Variants in CORO2A observed in about 807,000 individuals in gnomAD.
The protein encoded by CORO2A is coronin-2A.
CORO2A carries 47 observed loss-of-function variants against 62.4 expected under a neutral mutation model. The observed-to-expected ratio is 0.75, with a 90% CI of 0.60 to 0.96. The LOEUF (loss-of-function observed/expected upper bound fraction) is 0.96, where lower values mean the gene tolerates loss of function less well. Ranked by LOEUF, CORO2A falls within the 40% of genes least tolerant of loss-of-function variation. The pLI is 0.00. For missense variants in CORO2A, 610 were observed against 684.1 expected, an observed-to-expected ratio of 0.89 and a Z score of 1.21; for synonymous variants, 273 against 268.9, an observed-to-expected ratio of 1.02 and a Z score of -0.15.
Position 98,121,133 on chromosome 9 carries a change from C to T in CORO2A, c.*3641G>A, listed in dbSNP as rs1351353672. 1 of 152,174 alleles carries T rather than the reference C, an allele frequency of 6.6e-6. No homozygotes were observed. Among genetic ancestry groups the T allele is most frequent in the Non-Finnish European group, 1.5e-5 (1 of 68,040 alleles). The allele number at this position is 152,174 out of a possible 1,614,324, so 9.4% of individuals were successfully genotyped here. A position where few individuals can be genotyped will look rare whatever the true frequency, so the allele number is the denominator to read the frequency against. On this transcript the variant is annotated 3_prime_UTR_variant, in exon 12 of 12. Transcript: ENST00000375077. The stretch of plus-strand genomic sequence containing the variant: ...AAACAATCATTCAAACTGTTTCAGG[C>T]ACGGTTTCAATTAAAAGCATAGATT...
intron 6 of CORO2A, 55 bp from the exon 7 acceptor site, chr9:98,131,114 G>C: frequency 8.4e-7 from 1 of 1,188,202 alleles, no homozygotes; most frequent in Non-Finnish European, 1.2e-6. Flanking sequence ...GGCCCTCAGT[G>C]GTGCTCCCGG....
rs2231668 is a variant in CORO2A, at chr9:98,128,121, C to T, written c.1171+49G>A. The T allele has an allele frequency of 1.6e-3, 2,428 of 1,487,756 alleles. 21 individuals carry two copies. In the African/African-American group the frequency reaches 0.027, roughly 16 times the overall value. 92.2% of individuals were successfully genotyped at this position (1,487,756 alleles called of 1,614,324 possible). ...CTCAATTGCTTGGGGCCACTGGGCA[C>T]GCCATGTTCCTGTCACATTTGCCTG... is the stretch of plus-strand genomic sequence containing the variant. On this transcript the variant is annotated intron_variant, in intron 10 of 11. Transcript: ENST00000375077.
In CORO2A at chr9:98,128,263, G is replaced by A. The variant is rs755199037; in HGVS notation, c.1081-3C>T. On this transcript the variant is annotated splice_polypyrimidine_tract_variant and splice_region_variant and intron_variant, in intron 9 of 11. Transcript: ENST00000375077. ...ATGTCCTCTTGGTAGGATTCTGACT[G>A]CAGGAGAAATCCAGACAGTGAGGAG... The A allele has an allele frequency of 1.9e-6, 3 of 1,610,120 alleles. No individual in the cohort carries two copies. In the East Asian group the frequency reaches 6.7e-5, roughly 36 times the overall value.
chr9:98,188,151 T>A (rs1828261966), intron 1 of CORO2A, among the ~76,000 whole-genome samples: 1 of 152,082 alleles, frequency 6.6e-6, no homozygotes, highest in Non-Finnish European at 1.5e-5. Context: ...CCCCAGCTGT[T>A]CCCTCCACCT....
In CORO2A at chr9:98,124,880, T is replaced by C; in HGVS notation, c.1472A>G (p.Gln491Arg). The change falls in exon 12 of 12, where the codon CAG becomes CGG. Residue 491 changes from glutamine (Q) to arginine (R), a missense_variant. Physicochemically the swap from Gln to Arg is conservative, Grantham distance 43. Coordinates refer to ENST00000375077, the MANE Select transcript of CORO2A (RefSeq NM_052820.4). The part of the protein sequence containing the change: ...NELLQMFYRQ[Q>R]EEIRRLRELL... ...CTCCCGGAGCCTTCGGATCTCCTCCTGTTGCCGGTAGAACATCTGCAGCAA... is the reference window on the plus strand; with the variant it reads ...CTCCCGGAGCCTTCGGATCTCCTCCCGTTGCCGGTAGAACATCTGCAGCAA... 3 of 1,575,736 alleles carry C rather than the reference T, an allele frequency of 1.9e-6. No individual in the cohort carries two copies. The highest frequency in any genetic ancestry group is 2.6e-6 in the Non-Finnish European group (3 of 1,158,278).
rs550316108 is a variant in CORO2A, at chr9:98,155,165, C to T, written c.201+2295G>A. ...ATGAGGTTGAGTAGTTTTTCAAATG[C>T]TTATTAGCCATTTGGATTTTCTTTG... On this transcript the variant is annotated intron_variant, in intron 2 of 11. Transcript: ENST00000375077. 2.0e-5 allele frequency among the ~76,000 whole-genome samples: 3 copies of T among 152,214 alleles called. No individual in the cohort carries two copies. The East Asian group carries it at 5.8e-4, about 29-fold the overall frequency.
intron 1 of CORO2A, among the ~76,000 whole-genome samples, chr9:98,168,027 G>T (rs746825564): frequency 6.6e-6 from 1 of 152,204 alleles, no homozygotes; most frequent in Non-Finnish European, 1.5e-5. Flanking sequence ...CCCAGGCCCC[G>T]GAGCTTGACT....
intron 1 of CORO2A, among the ~76,000 whole-genome samples, chr9:98,171,623 T>C (rs1828037513): frequency 6.6e-6 from 1 of 151,962 alleles, no homozygotes; most frequent in Admixed American, 6.6e-5. Context: ...CCCGGGAGGA[T>C]ACGACTGAGC....
In CORO2A at chr9:98,128,643, G is replaced by A; in HGVS notation, c.1044C>T (p.Ser348=). Residue 348 remains serine (S), a synonymous_variant, in exon 9 of 12, where the codon AGC becomes AGT. Transcript: ENST00000375077. The part of the protein sequence containing the change: ...FRFYKLITTK[S]LIEPISMIVP... ...CAATCATGGAGATGGGCTCGATGAG[G>A]CTTTTGGTTGTGATCAGCTTGTAGA... is the stretch of plus-strand genomic sequence containing the variant. 6.2e-7 allele frequency: 1 copy of A among 1,614,228 alleles called. No individual in the cohort carries two copies. Among genetic ancestry groups the A allele is most frequent in the South Asian group, 1.1e-5 (1 of 91,086 alleles).
rs1373587206 is a variant in CORO2A, at chr9:98,123,502, T to TC, written c.*1271_*1272insG. ...TTCCCCTATTCTCTCTCTCTTTTTT[T>TC]TTTTTTTTTTGGAGATGGAGTCTCG... On this transcript the variant is annotated 3_prime_UTR_variant, in exon 12 of 12. Transcript: ENST00000375077. The TC allele has an allele frequency of 6.6e-6, 1 of 151,752 alleles. No homozygotes were observed. Among genetic ancestry groups the TC allele is most frequent in the African/African-American group, 2.4e-5 (1 of 41,282 alleles). The allele number at this position is 151,752 out of a possible 1,614,324, so 9.4% of individuals were successfully genotyped here. A position where few individuals can be genotyped will look rare whatever the true frequency, so the allele number is the denominator to read the frequency against.
intron 1 of CORO2A, among the ~76,000 whole-genome samples, chr9:98,189,602 C>T (rs1828280152): frequency 6.6e-6 from 1 of 152,174 alleles, no homozygotes; most frequent in East Asian, 1.9e-4. Flanking sequence ...AATTCAGCAA[C>T]TGCTGAGTCT....
At chr9:98,177,457 G>GTTT (rs1174402008) in intron 1 of CORO2A, among the ~76,000 whole-genome samples, 4,555 of 98,168 alleles carry the variant, frequency 0.046, 721 homozygotes, top group African/African-American at 0.18. Flanking sequence ...TCCAAACTTT[G>GTTT]TTTTTTTTTT....
intron 2 of CORO2A, among the ~76,000 whole-genome samples, chr9:98,156,241 T>C (rs149497328): frequency 6.6e-6 from 1 of 152,282 alleles, no homozygotes; most frequent in African/African-American, 2.4e-5. Context: ...GGTTTCACCA[T>C]GTTGCCCAGG....
intron 1 of CORO2A, among the ~76,000 whole-genome samples, chr9:98,169,837 A>T (rs1168110225): frequency 1.3e-5 from 2 of 152,134 alleles, no homozygotes; most frequent in Non-Finnish European, 2.9e-5. Flanking sequence ...GGTGGCTCTT[A>T]GCAGGGCTCT....
At chr9:98,129,144 G>A (rs1827370113) in intron 8 of CORO2A, among the ~76,000 whole-genome samples, 2 of 152,072 alleles carry the variant, frequency 1.3e-5, no homozygotes, top group Admixed American at 6.5e-5. Flanking sequence ...GGCTAGGCTC[G>A]AATTCCTAGG....
chr9:98,162,265 A>C (rs1827896502), intron 1 of CORO2A, among the ~76,000 whole-genome samples: 1 of 152,204 alleles, frequency 6.6e-6, no homozygotes, highest in Non-Finnish European at 1.5e-5. Flanking sequence ...TTTCAGACCC[A>C]TCACAGCCCT....
Position 98,124,641 on chromosome 9 carries a change from CG to C in CORO2A, c.*132del. On this transcript the variant is annotated 3_prime_UTR_variant, in exon 12 of 12. Transcript: ENST00000375077. Reference sequence around the variant, plus strand: ...CATGTCCCACTGGAATCTCTTTCAGCGATGGAGAGTTTTGTTTTCTGGTAAA... The same window carrying C: ...CATGTCCCACTGGAATCTCTTTCAGCATGGAGAGTTTTGTTTTCTGGTAAA... 2 of 902,916 alleles carry C rather than the reference CG, an allele frequency of 2.2e-6. No homozygotes were observed. The highest frequency in any genetic ancestry group is 3.1e-6 in the Non-Finnish European group (2 of 650,872). 55.9% of individuals were successfully genotyped at this position (902,916 alleles called of 1,614,324 possible).
chr9:98,160,064 C>T (rs1315675373), intron 1 of CORO2A, among the ~76,000 whole-genome samples: 1 of 152,220 alleles, frequency 6.6e-6, no homozygotes. Flanking sequence ...CACCAGGTAG[C>T]ACGTCAGTCT....
intron 4 of CORO2A, among the ~76,000 whole-genome samples, chr9:98,134,294 C>A (rs1827453729): frequency 2.0e-5 from 3 of 152,130 alleles, no homozygotes; most frequent in African/African-American, 7.2e-5. Context: ...GGGCCTACTG[C>A]CTGCATGCTT....
Sources: allele counts gnomAD v4.1 joint callset (sites outside exome capture counted in the v4.1 genomes callset), GRCh38; gene constraint gnomAD v4.1.1; transcripts MANE v1.5; gene names NCBI Gene and HGNC (gene_info 2026-07-23, HGNC 2026-07-21).